FNIP2: variants seen among roughly 807,000 people sequenced by gnomAD.
FNIP2 encodes folliculin interacting protein 2.
In FNIP2, 32 loss-of-function variants were observed where a neutral mutation model predicts 108.7. The observed-to-expected ratio is 0.29, with a 90% confidence interval of 0.22 to 0.40. FNIP2 has a LOEUF of 0.40. FNIP2 is among the 10% of genes least tolerant of loss of function. The pLI is 1.00. For missense variants in FNIP2, 1,202 were observed against 1,381.6 expected (o/e 0.87, Z 2.06); for synonymous variants, 480 against 496.7 (o/e 0.97, Z 0.45).
intron 5 of FNIP2, 41 bp downstream of exon 5, chr4:158,832,179 A>G: frequency 6.6e-7 from 1 of 1,505,272 alleles, no homozygotes; most frequent in Non-Finnish European, 9.2e-7. Context: ...CATTTTTTAA[A>G]GTGTGTATTT....
At chr4:158,773,580 G>C (rs545658239) in intron 1 of FNIP2, among the ~76,000 whole-genome samples, 1 of 152,166 alleles carries the variant, frequency 6.6e-6, no homozygotes, top group Admixed American at 6.5e-5. Flanking sequence ...CTGATTTTAA[G>C]TATTACTAAG....
At chr4:158,801,833 C>T (rs1776773278) in intron 1 of FNIP2, among the ~76,000 whole-genome samples, 1 of 152,138 alleles carries the variant, frequency 6.6e-6, no homozygotes, top group African/African-American at 2.4e-5. Context: ...GCACACTGAA[C>T]TGGTATCGTG....
rs1304529116 is a variant in FNIP2 at position 158,895,930 on chromosome 4, C to T, written c.3266+65C>T. On this transcript the variant is annotated intron_variant, in intron 16 of 16. Coordinates refer to ENST00000264433, the MANE Select transcript of FNIP2 (RefSeq NM_020840.3). Reference sequence around the variant, plus strand: ...GTATCCCTAGCATTGTACCCACTAACGTGTTTAGCCTGTGTCACCCTAAAC... The same window carrying T: ...GTATCCCTAGCATTGTACCCACTAATGTGTTTAGCCTGTGTCACCCTAAAC... 28 of 1,209,568 alleles carry T rather than the reference C, an allele frequency of 2.3e-5. No individual in the cohort carries two copies. In the East Asian group the frequency reaches 2.7e-4, roughly 12 times the overall value. The allele number at this position is 1,209,568 out of a possible 1,614,324, so 74.9% of individuals were successfully genotyped here. A position where few individuals can be genotyped will look rare whatever the true frequency, so the allele number is the denominator to read the frequency against.
intron 14 of FNIP2, among the ~76,000 whole-genome samples, chr4:158,883,311 G>A (rs540165409): frequency 3.3e-5 from 5 of 152,046 alleles, no homozygotes; most frequent in South Asian, 4.1e-4. Flanking sequence ...GCGCAGTCTC[G>A]GCTCACTGCA....
chr4:158,847,964 G>A (rs1239002324), intron 7 of FNIP2, among the ~76,000 whole-genome samples: 3 of 152,176 alleles, frequency 2.0e-5, no homozygotes, highest in Non-Finnish European at 4.4e-5. Context: ...TGGCTTGGGT[G>A]CCAGCCCAGC....
chr4:158,780,525 T>C (rs1019029134), intron 1 of FNIP2, among the ~76,000 whole-genome samples: 5 of 152,242 alleles, frequency 3.3e-5, no homozygotes, highest in Admixed American at 1.3e-4. Flanking sequence ...ATAGATATTT[T>C]TATTAGCCAA....
chr4:158,814,828 T>G lies in FNIP2; in HGVS notation c.108-11088T>G, dbSNP rs1578854589. On this transcript the variant is annotated intron_variant, in intron 1 of 16. Transcript: ENST00000264433. ...AATGCCTGGAATTCATTAAGGTGGT[T>G]TCCCTGTAGGAGTTCACCCACTGCC... is the stretch of plus-strand genomic sequence containing the variant. Among the ~76,000 whole-genome samples the G allele has an allele frequency of 3.3e-5, 5 of 152,306 alleles. No individual in the cohort carries two copies. In the East Asian group the frequency reaches 9.7e-4, roughly 29 times the overall value.
intron 16 of FNIP2, among the ~76,000 whole-genome samples, chr4:158,897,714 G>C (rs1396917303): frequency 6.6e-6 from 1 of 152,096 alleles, no homozygotes; most frequent in African/African-American, 2.4e-5. Flanking sequence ...ATTTGTTTAA[G>C]TTCTTTGTAG....
At chr4:158,774,306 G>C (rs1251082087) in intron 1 of FNIP2, among the ~76,000 whole-genome samples, 1 of 151,886 alleles carries the variant, frequency 6.6e-6, no homozygotes, top group Non-Finnish European at 1.5e-5. Flanking sequence ...TATTCTTGTT[G>C]GTATTTTTGG....
intron 1 of FNIP2, among the ~76,000 whole-genome samples, chr4:158,822,759 T>G (rs1481705159): frequency 6.6e-6 from 1 of 152,216 alleles, no homozygotes. Flanking sequence ...TTCAGCAACC[T>G]AAGTAGCTGG....
intron 8 of FNIP2, among the ~76,000 whole-genome samples, chr4:158,858,515 A>G (rs906292587): frequency 8.5e-5 from 13 of 152,144 alleles, no homozygotes; most frequent in Admixed American, 7.9e-4. Context: ...AGCAGAAGAG[A>G]GGTAAGTGTT....
intron 1 of FNIP2, among the ~76,000 whole-genome samples, chr4:158,797,080 G>A (rs1776612846): frequency 6.6e-6 from 1 of 152,136 alleles, no homozygotes; most frequent in African/African-American, 2.4e-5. Flanking sequence ...ATTTCTGTCA[G>A]CTCCCAAGCA....
chr4:158,843,909 G>A (rs1779259874), intron 7 of FNIP2, among the ~76,000 whole-genome samples: 1 of 152,228 alleles, frequency 6.6e-6, no homozygotes, highest in African/African-American at 2.4e-5. Context: ...GCAGGGCATA[G>A]ATCTGTTCTA....
chr4:158,891,338 G>T (rs1377622268), intron 14 of FNIP2, 108 bp from the exon 15 acceptor site: 7 of 1,015,822 alleles, frequency 6.9e-6, no homozygotes, highest in African/African-American at 4.8e-5. Context: ...ATCCATAACT[G>T]CCTGGCTGTC....
At chr4:158,880,935 G>A (rs1781553723) in intron 14 of FNIP2, among the ~76,000 whole-genome samples, 1 of 152,148 alleles carries the variant, frequency 6.6e-6, no homozygotes, top group South Asian at 2.1e-4. Flanking sequence ...TGCTGAGAAG[G>A]TGACTGTCAT....
intron 1 of FNIP2, among the ~76,000 whole-genome samples, chr4:158,784,199 C>G (rs1368258851): frequency 2.0e-5 from 3 of 152,232 alleles, no homozygotes; most frequent in African/African-American, 7.2e-5. Flanking sequence ...CCAAAGAGCC[C>G]AGAAAATTCA....
rs544512738 is a variant in FNIP2, at chr4:158,904,757, CTT to C, written c.*215_*216del. 112 of 531,938 alleles carry C rather than the reference CTT, an allele frequency of 2.1e-4. No individual in the cohort carries two copies. The highest frequency in any genetic ancestry group is 2.0e-3 in the African/African-American group (108 of 52,768). The allele number at this position is 531,938 out of a possible 1,614,324, so 33.0% of individuals were successfully genotyped here. Reference sequence around the variant, plus strand: ...ATAGCATTTGTGATTGTCGTGAACACTTTAGGCCATTTGTTACCCATGAATCA... The same window carrying C: ...ATAGCATTTGTGATTGTCGTGAACACTAGGCCATTTGTTACCCATGAATCA... On this transcript the variant is annotated 3_prime_UTR_variant, in exon 17 of 17. Coordinates refer to ENST00000264433, the MANE Select transcript of FNIP2 (RefSeq NM_020840.3).
intron 8 of FNIP2, 55 bp from the exon 9 acceptor site, chr4:158,859,002 C>T: frequency 6.8e-7 from 1 of 1,471,968 alleles, no homozygotes; most frequent in East Asian, 2.3e-5. Context: ...TACAGTTGAC[C>T]TTCAGTGTGA....
chr4:158,824,444 G>C (rs1257068845), intron 1 of FNIP2, among the ~76,000 whole-genome samples: 2 of 151,946 alleles, frequency 1.3e-5, no homozygotes, highest in Admixed American at 1.3e-4. Context: ...TCTAAGCAAG[G>C]CCCCCTTTCA....
Sources: gnomAD v4.1 joint callset for allele counts (sites outside exome capture counted in the v4.1 genomes callset) on GRCh38, gnomAD v4.1.1 for gene constraint, MANE v1.5 for transcripts, NCBI Gene and HGNC (gene_info 2026-07-23, HGNC 2026-07-21) for gene names.